The following PRDM15 variants were observed in gnomAD, a reference collection of about 807,000 sequenced individuals.
PRDM15 encodes PR/SET domain 15, also known as PR domain zinc finger protein 15.
PRDM15 carries 64 observed loss-of-function variants against 128.6 expected under a neutral mutation model. The ratio of observed to expected loss-of-function variants is 0.50; its 90% CI spans 0.41 to 0.61. PRDM15 has a LOEUF of 0.61. Among genes scored for constraint, PRDM15 ranks in the 20% least tolerant of loss-of-function variants. The probability of loss-of-function intolerance (pLI) is 0.00; values close to 1 mark genes in which losing one functional copy is unlikely to be tolerated. For synonymous variants in PRDM15, 615 were observed against 621.8 expected (o/e 0.99, Z 0.16); for missense variants, 1,242 against 1,569.1 (o/e 0.79, Z 3.52).
chr21:41,848,452 C>T (rs2063333656), intron 5 of PRDM15, among the ~76,000 whole-genome samples: 1 of 152,172 alleles, frequency 6.6e-6, no homozygotes, highest in Non-Finnish European at 1.5e-5. Flanking sequence ...TGGGACACCC[C>T]ATCCCCACCA....
Position 41,828,196 on chromosome 21 carries a change from T to A in PRDM15, c.1504A>T (p.Met502Leu). The part of the protein sequence containing the change: ...CSKMFYRKDV[M>L]LDHQRRHLEG... ...AGGTGCCGGCGCTGGTGGTCCAGCA[T>A]GACGTCCTTGCGGTAGAACATCTTG... Residue 502 changes from methionine to leucine, a missense_variant, in exon 12 of 24, where the codon ATG (methionine) becomes TTG (leucine). Physicochemically the swap from Met to Leu is conservative, Grantham distance 15. Coordinates refer to ENST00000398548, the MANE Select transcript of PRDM15 (RefSeq NM_001040424.3). The surrounding 1 kb of genome is among the most constrained non-coding windows in gnomAD (Gnocchi z 5.7). 1.2e-6 allele frequency: 2 copies of A among 1,614,060 alleles called. No homozygotes were observed. The highest frequency in any genetic ancestry group is 1.7e-6 in the Non-Finnish European group (2 of 1,179,976).
In PRDM15 at chr21:41,828,233, A is replaced by C. The variant is rs1020550040; in HGVS notation, c.1467T>G (p.Cys489Trp). Reference protein sequence around the residue: ...KKKHGDKKFACEVCSKMFYRK... With the variant: ...KKKHGDKKFAWEVCSKMFYRK... ...GGTAGAACATCTTGCTGCAGACCTC[A>C]CAGGCAAACTTCTTGTCGCCGTGCT... is the stretch of plus-strand genomic sequence containing the variant. Residue 489 changes from cysteine to tryptophan, a missense_variant, in exon 12 of 24, where the codon TGT becomes TGG. Around this residue, in one of 3 missense-constraint regions of PRDM15, gnomAD observed 612 missense variants for 717.0 expected, o/e 0.85. Coordinates refer to ENST00000398548, the MANE Select transcript of PRDM15 (RefSeq NM_001040424.3). This position sits in a 1 kb window ranked among gnomAD's most constrained non-coding sequence, Gnocchi z 5.7. The C allele has an allele frequency of 7.4e-6, 12 of 1,614,072 alleles. 1 individual carries two copies. The Admixed American group carries it at 2.0e-4, about 27-fold the overall frequency.
chr21:41,857,346 A>T lies in PRDM15; in HGVS notation c.132-17T>A, dbSNP rs764137229. On this transcript the variant is annotated splice_polypyrimidine_tract_variant and intron_variant, in intron 3 of 23. Coordinates refer to ENST00000398548, the MANE Select transcript of PRDM15 (RefSeq NM_001040424.3). ...AGGGATGACCTGGAAATGGAATAAA[A>T]CAAGACTCAAAAGAGAGCACTCACA... 5 of 1,613,352 alleles carry T rather than the reference A, an allele frequency of 3.1e-6. No individual in the cohort carries two copies. In the Admixed American group the frequency reaches 6.7e-5, roughly 22 times the overall value.
chr21:41,823,295 T>TG (rs779360528), intron 14 of PRDM15, 23 bp downstream of exon 14: 3 of 1,604,954 alleles, frequency 1.9e-6, no homozygotes, highest in Non-Finnish European at 1.7e-6. Flanking sequence ...CATGCCTGGG[T>TG]GAGGGCAGCA....
intron 19 of PRDM15, chr21:41,813,254 G>A (rs367638184): frequency 6.6e-6 from 1 of 152,464 alleles, no homozygotes; most frequent in East Asian, 1.9e-4. Flanking sequence ...CCAGCGAGTT[G>A]GTGGGCGGCA....
intron 10 of PRDM15, 37 bp from the exon 11 acceptor site, chr21:41,835,561 GCGCAGAGTCCACAGATGCCGAGCCCC>G: frequency 6.4e-7 from 1 of 1,564,026 alleles, no homozygotes; most frequent in Non-Finnish European, 8.7e-7. Flanking sequence ...AGATGGCCCA[GCGCAGAGTCCACAGATGCCGAGCCCC>G]CGACGTGCTG....
chr21:41,874,525 A>ATATATATATATATTTTTTTTTTTT, intron 1 of PRDM15, among the ~76,000 whole-genome samples: 2 of 95,828 alleles, frequency 2.1e-5, no homozygotes, highest in Admixed American at 1.2e-4. Flanking sequence ...ATATATATAT[A>ATATATATATATATTTTTTTTTTTT]TTTTTTTTTT....
At chr21:41,806,147 CCACCACCATCACCAT>C (rs2146197849) in intron 21 of PRDM15, among the ~76,000 whole-genome samples, 1 of 2,586 alleles carries the variant, frequency 3.9e-4, no homozygotes. Context: ...ATCACCACCA[CCACCACCATCACCAT>C]CACCACCACC....
chr21:41,850,010 C>G (rs1286999647), intron 5 of PRDM15, among the ~76,000 whole-genome samples: 1 of 152,178 alleles, frequency 6.6e-6, no homozygotes, highest in Non-Finnish European at 1.5e-5. Flanking sequence ...TGAGTTAGAA[C>G]AGTGATGCTA....
At chr21:41,823,998 A>G (rs1012325842) in intron 13 of PRDM15, among the ~76,000 whole-genome samples, 29 of 152,198 alleles carry the variant, frequency 1.9e-4, no homozygotes, top group South Asian at 4.1e-4. Context: ...GGTGGTCCAC[A>G]TGACAGATGT....
At chr21:41,878,359 A>G (rs2064495718) in intron 1 of PRDM15, among the ~76,000 whole-genome samples, 1 of 152,228 alleles carries the variant, frequency 6.6e-6, no homozygotes, top group South Asian at 2.1e-4. Context: ...TTGTGGGGGA[A>G]AAAACCATCC....
At chr21:41,869,279 C>T (rs1157758503) in intron 1 of PRDM15, among the ~76,000 whole-genome samples, 7 of 152,022 alleles carry the variant, frequency 4.6e-5, no homozygotes, top group Admixed American at 2.0e-4. Context: ...CTTTCTCCTA[C>T]GTTTCTTAGA....
At chr21:41,806,054 C>G (rs902270950) in intron 21 of PRDM15, among the ~76,000 whole-genome samples, 1 of 69,660 alleles carries the variant, frequency 1.4e-5, no homozygotes, top group Non-Finnish European at 3.1e-5. Context: ...ATCACCACCA[C>G]CACCATCACC....
intron 12 of PRDM15, 105 bp from the exon 13 acceptor site, chr21:41,826,159 A>G: frequency 3.4e-6 from 3 of 871,044 alleles, no homozygotes; most frequent in Non-Finnish European, 5.6e-6. Flanking sequence ...ACGGGAGGAC[A>G]GGGCTGCCCA....
chr21:41,812,558 C>T (rs1308076534), intron 19 of PRDM15: 1 of 152,160 alleles, frequency 6.6e-6, no homozygotes, highest in East Asian at 1.9e-4. Context: ...AAGGCCGGCC[C>T]TTAGCGACTC....
At chr21:41,823,074 G>GA (rs1165092952) in intron 14 of PRDM15, 6 of 473,658 alleles carry the variant, frequency 1.3e-5, no homozygotes, top group Non-Finnish European at 2.3e-5. Flanking sequence ...CCTTATAGAA[G>GA]AGATCCCTAC....
rs1034287341 is a variant in PRDM15 at position 41,832,074 on chromosome 21, G to A, written c.1366+3363C>T. On this transcript the variant is annotated intron_variant, in intron 11 of 23. Transcript: ENST00000398548. This position sits in a 1 kb window ranked among gnomAD's most constrained non-coding sequence, Gnocchi z 4.2. ...GTCCTTCACACACTGCGTCTGAGGC[G>A]TGCGTGTTTACAGTGCTGGACGTTT... Among the ~76,000 whole-genome samples, 3 of 152,218 alleles carry A rather than the reference G, an allele frequency of 2.0e-5. No individual in the cohort carries two copies. Among genetic ancestry groups the A allele is most frequent in the East Asian group, 1.9e-4 (1 of 5,198 alleles).
intron 18 of PRDM15, among the ~76,000 whole-genome samples, chr21:41,817,815 T>G (rs1434443536): frequency 6.6e-6 from 1 of 152,274 alleles, no homozygotes; most frequent in Non-Finnish European, 1.5e-5. Flanking sequence ...AATTTGGTAT[T>G]CTGTAAAATA....
Position 41,828,580 on chromosome 21 carries a change from C to T in PRDM15, c.1367-247G>A, listed in dbSNP as rs1195650920. Among the ~76,000 whole-genome samples, 1 of 151,754 alleles carries T rather than the reference C, an allele frequency of 6.6e-6. No individual in the cohort carries two copies. Among genetic ancestry groups the T allele is most frequent in the Admixed American group, 6.6e-5 (1 of 15,266 alleles). ...GCTCACCTTTCATCACCAAGCAACGCCAGCCGCCTCCCTCCCGGGCCACCC... is the reference window on the plus strand; with the variant it reads ...GCTCACCTTTCATCACCAAGCAACGTCAGCCGCCTCCCTCCCGGGCCACCC... On this transcript the variant is annotated intron_variant, in intron 11 of 23. Transcript: ENST00000398548. The surrounding 1 kb of genome is among the most constrained non-coding windows in gnomAD (Gnocchi z 5.7).
Sources: allele counts gnomAD v4.1 joint callset (sites outside exome capture counted in the v4.1 genomes callset), GRCh38; gene constraint gnomAD v4.1.1; regional missense constraint gnomAD v4.1.1; non-coding constraint Gnocchi (gnomAD v3.1); transcripts MANE v1.5; gene names NCBI Gene and HGNC (gene_info 2026-07-23, HGNC 2026-07-21).